TBC1D21: variants seen among roughly 807,000 people sequenced by gnomAD.
The protein encoded by TBC1D21 is male germ cell Rab GTPase-activating protein.
Under a neutral mutation model 46.0 loss-of-function variants are expected in TBC1D21, and 38 were observed. The ratio of observed to expected loss-of-function variants is 0.83; its 90% CI spans 0.64 to 1.08. The LOEUF is 1.08. Ranked by LOEUF, TBC1D21 falls within the 50% of genes least tolerant of loss-of-function variation. The pLI, the probability that TBC1D21 is intolerant of heterozygous loss-of-function variation, is 0.00. For missense variants in TBC1D21, 415 were observed against 417.9 expected (o/e 0.99, Z 0.06); for synonymous variants, 151 against 157.2 (o/e 0.96, Z 0.29).
At chr15:73,886,728 G>A (rs151188267) in intron 8 of TBC1D21, 116 bp downstream of exon 8, 19 of 997,612 alleles carry the variant, frequency 1.9e-5, no homozygotes, top group Middle Eastern at 3.0e-4. Flanking sequence ...TCAGTATCTC[G>A]GGGTTTTGTT....
chr15:73,898,879 AAAT>A, the TBC1D21 span, among the ~76,000 whole-genome samples: 431 of 112,920 alleles, frequency 3.8e-3, 2 homozygotes, highest in African/African-American at 0.015. Flanking sequence ...AAAAAAAAAA[AAAT>A]ATATATATAT....
intron 1 of TBC1D21, among the ~76,000 whole-genome samples, chr15:73,879,239 G>C (rs916214264): frequency 2.6e-5 from 4 of 152,132 alleles, no homozygotes; most frequent in African/African-American, 9.7e-5. Context: ...AAGGAGCCTT[G>C]CTCTGTCACC....
intron 3 of TBC1D21, among the ~76,000 whole-genome samples, chr15:73,883,367 G>C (rs147625315): frequency 6.6e-6 from 1 of 152,192 alleles, no homozygotes; most frequent in African/African-American, 2.4e-5. Flanking sequence ...CTGTCTTCTC[G>C]CAGTTCTGGA....
chr15:73,874,838 AT>A (rs2068029712), intron 1 of TBC1D21, among the ~76,000 whole-genome samples: 1 of 152,180 alleles, frequency 6.6e-6, no homozygotes, highest in African/African-American at 2.4e-5. Flanking sequence ...CATTTTCTTC[AT>A]CACGGTGCTG....
chr15:73,890,702 C>T (rs1264118674), downstream of TBC1D21, among the ~76,000 whole-genome samples: 1 of 152,220 alleles, frequency 6.6e-6, no homozygotes, highest in Non-Finnish European at 1.5e-5. Flanking sequence ...GACCTACACA[C>T]AATGCCAAAC....
At chr15:73,898,880 A>AAAAAAAAAATAT in the TBC1D21 span, among the ~76,000 whole-genome samples, 125 of 56,760 alleles carry the variant, frequency 2.2e-3, 2 homozygotes, top group Non-Finnish European at 3.4e-3. Flanking sequence ...AAAAAAAAAA[A>AAAAAAAAAATAT]ATATATATAT....
chr15:73,889,116 G>A lies in TBC1D21; in HGVS notation c.*15G>A, dbSNP rs199643870. The A allele has an allele frequency of 1.0e-4, 166 of 1,611,488 alleles. 1 individual carries two copies. The highest frequency in any genetic ancestry group is 2.1e-4 in the African/African-American group (16 of 74,926). On this transcript the variant is annotated 3_prime_UTR_variant, in exon 11 of 11. Coordinates refer to ENST00000300504, the MANE Select transcript of TBC1D21 (RefSeq NM_153356.3). ...TCTTCCTCTGAGGACACCAAAGCCC[G>A]CAGTGGACTGATGCCTTCGATGGGC...
intron 6 of TBC1D21, among the ~76,000 whole-genome samples, chr15:73,885,542 A>G (rs2068229247): frequency 6.6e-6 from 1 of 152,040 alleles, no homozygotes; most frequent in African/African-American, 2.4e-5. Context: ...GGGACTCAAT[A>G]GTCCCCAGGG....
chr15:73,889,215 T>C, downstream of TBC1D21: 1 of 1,238,080 alleles, frequency 8.1e-7, no homozygotes, highest in Non-Finnish European at 1.2e-6. Context: ...TCTGGAATAA[T>C]GGTTTGTGGT....
intron 1 of TBC1D21, 24 bp from the exon 2 acceptor site, chr15:73,881,375 A>G (rs756203489): frequency 6.3e-7 from 1 of 1,585,844 alleles, no homozygotes. Flanking sequence ...AACATAAGGC[A>G]GAACTGGTTG....
chr15:73,886,913 T>C (rs2141580086), intron 8 of TBC1D21, among the ~76,000 whole-genome samples: 1 of 152,298 alleles, frequency 6.6e-6, no homozygotes, highest in East Asian at 1.9e-4. Flanking sequence ...CCCGCTGCCC[T>C]GCCCAGGTGG....
At chr15:73,898,880 A>AAAAAAAAAAT in the TBC1D21 span, among the ~76,000 whole-genome samples, 3,221 of 56,346 alleles carry the variant, frequency 0.057, 299 homozygotes, top group Non-Finnish European at 0.09. Context: ...AAAAAAAAAA[A>AAAAAAAAAAT]ATATATATAT....
chr15:73,877,514 TAAAAAAAAAAAAAAAA>T (rs541803630), intron 1 of TBC1D21, among the ~76,000 whole-genome samples: 1 of 72,726 alleles, frequency 1.4e-5, no homozygotes, highest in African/African-American at 6.3e-5. Flanking sequence ...TCCAGAAAAC[TAAAAAAAAAAAAAAAA>T]AAAAAAAAAA....
At chr15:73,880,078 G>A (rs181621168) in intron 1 of TBC1D21, among the ~76,000 whole-genome samples, 56 of 152,164 alleles carry the variant, frequency 3.7e-4, no homozygotes, top group Non-Finnish European at 6.6e-4. Flanking sequence ...TGTATTTTTA[G>A]TAGAGACAGG....
chr15:73,874,483 T>G (rs1297549122), intron 1 of TBC1D21, among the ~76,000 whole-genome samples: 1 of 152,268 alleles, frequency 6.6e-6, no homozygotes. Flanking sequence ...TCATTCATTC[T>G]CATCACAACT....
chr15:73,897,819 A>G, the TBC1D21 span, among the ~76,000 whole-genome samples: 14 of 152,206 alleles, frequency 9.2e-5, no homozygotes, highest in Non-Finnish European at 1.8e-4. Flanking sequence ...TCTAGCTGCA[A>G]ATTTGATGGG....
intron 10 of TBC1D21, among the ~76,000 whole-genome samples, chr15:73,888,794 G>A (rs1884062768): frequency 6.6e-6 from 1 of 151,818 alleles, no homozygotes; most frequent in Admixed American, 6.6e-5. Flanking sequence ...CCCATGGCAG[G>A]TGCATTCAAC....
At chr15:73,888,549 T>TTCCTCCTCCTCCTCTTCC (rs762772032) in intron 10 of TBC1D21, 36 bp downstream of exon 10, 113 of 1,321,028 alleles carry the variant, frequency 8.6e-5, no homozygotes, top group East Asian at 4.6e-4. Context: ...CCTCCTCCTC[T>TTCCTCCTCCTCCTCTTCC]TCCTCCTCCT....
chr15:73,876,194 T>G (rs2068056563), intron 1 of TBC1D21, among the ~76,000 whole-genome samples: 2 of 123,610 alleles, frequency 1.6e-5, no homozygotes, highest in African/African-American at 5.8e-5. Flanking sequence ...TGACTTTTTT[T>G]GTGGGTTTTT....
Sources: gnomAD v4.1 joint callset for allele counts (sites outside exome capture counted in the v4.1 genomes callset) on GRCh38, gnomAD v4.1.1 for gene constraint, MANE v1.5 for transcripts, NCBI Gene and HGNC (gene_info 2026-07-23, HGNC 2026-07-21) for gene names.